The following FAM83B variants were observed in gnomAD, a reference collection of about 807,000 sequenced individuals.
The protein encoded by FAM83B is scaffolding CK1 anchoring protein B.
FAM83B carries 26 observed loss-of-function variants against 38.8 expected under a neutral mutation model. The observed-to-expected ratio is 0.67, with a 90% confidence interval of 0.49 to 0.93. The LOEUF (loss-of-function observed/expected upper bound fraction) is 0.93. Ranked by LOEUF, FAM83B falls within the 40% of genes least tolerant of loss-of-function variation. The pLI is 0.00. For synonymous variants in FAM83B, 419 were observed against 423.1 expected (o/e 0.99, Z 0.12); for missense variants, 1,237 against 1,197.3 (o/e 1.03, Z -0.49).
At chr6:54,931,230 T>A (rs1226409515) in intron 4 of FAM83B, among the ~76,000 whole-genome samples, 1 of 152,204 alleles carries the variant, frequency 6.6e-6, no homozygotes, top group Non-Finnish European at 1.5e-5. Flanking sequence ...TCTTGGAGAA[T>A]GTACCATGTG....
chr6:54,852,425 CAT>C (rs1162048142), intron 1 of FAM83B, among the ~76,000 whole-genome samples: 1 of 152,144 alleles, frequency 6.6e-6, no homozygotes, highest in Non-Finnish European at 1.5e-5. Context: ...TGCTACAAAT[CAT>C]GTGCACATAT....
At chr6:54,884,873 C>T (rs1019368625) in intron 2 of FAM83B, among the ~76,000 whole-genome samples, 8 of 151,448 alleles carry the variant, frequency 5.3e-5, no homozygotes, top group Admixed American at 2.0e-4. Context: ...CCCGGGTTCA[C>T]GCCATTCTCC....
intron 4 of FAM83B, among the ~76,000 whole-genome samples, chr6:54,929,480 A>G (rs1773376856): frequency 6.6e-6 from 1 of 152,144 alleles, no homozygotes; most frequent in Non-Finnish European, 1.5e-5. Context: ...TATCAGGAAA[A>G]CATGAGGAGT....
rs1171553393 is a variant in FAM83B at position 54,943,063 on chromosome 6, C to A, written c.*1056C>A. The stretch of plus-strand genomic sequence containing the variant: ...GATTACAGGTGCGCACCACCACACC[C>A]GGCTAATTTTTGTATTTTCAGAAGA... On this transcript the variant is annotated 3_prime_UTR_variant, in exon 5 of 5. Coordinates refer to ENST00000306858, the MANE Select transcript of FAM83B (RefSeq NM_001010872.3). 3 of 151,960 alleles carry A rather than the reference C, an allele frequency of 2.0e-5. No homozygotes were observed. The highest frequency in any genetic ancestry group is 4.4e-5 in the Non-Finnish European group (3 of 68,016). 9.4% of individuals were successfully genotyped at this position (151,960 alleles called of 1,614,324 possible).
chr6:54,892,123 C>G (rs1772417347), intron 2 of FAM83B, among the ~76,000 whole-genome samples: 1 of 152,216 alleles, frequency 6.6e-6, no homozygotes. Flanking sequence ...AGCCACTTGC[C>G]TGAATGATCA....
At chr6:54,931,420 C>T (rs1773417375) in intron 4 of FAM83B, among the ~76,000 whole-genome samples, 1 of 151,974 alleles carries the variant, frequency 6.6e-6, no homozygotes, top group Non-Finnish European at 1.5e-5. Flanking sequence ...TGTCTGTTTT[C>T]CCTTTCAATT....
chr6:54,860,993 A>T (rs1027338755), intron 1 of FAM83B, among the ~76,000 whole-genome samples: 1 of 152,140 alleles, frequency 6.6e-6, no homozygotes. Context: ...TATGGTCTTG[A>T]ACTCATGACC....
In FAM83B at chr6:54,886,289, C is replaced by T. The variant is rs144242774; in HGVS notation, c.444+15599C>T. On this transcript the variant is annotated intron_variant, in intron 2 of 4. Transcript: ENST00000306858. The stretch of plus-strand genomic sequence containing the variant: ...GTCAGTTTTTAGTATCAAGGTTATG[C>T]TGCCCACATAATGATTTTTTTTTGT... Among the ~76,000 whole-genome samples, 167 of 147,944 alleles carry T rather than the reference C, an allele frequency of 1.1e-3. 4 individuals are homozygous for T. The highest frequency in any genetic ancestry group is 3.9e-3 in the African/African-American group (161 of 41,326).
intron 2 of FAM83B, among the ~76,000 whole-genome samples, chr6:54,878,875 G>A (rs956249236): frequency 6.6e-6 from 1 of 152,220 alleles, no homozygotes; most frequent in Non-Finnish European, 1.5e-5. Context: ...AATAATTCAG[G>A]TGTGGGGTGA....
At chr6:54,906,020 C>A (rs1772769187) in intron 2 of FAM83B, among the ~76,000 whole-genome samples, 3 of 151,134 alleles carry the variant, frequency 2.0e-5, no homozygotes. Context: ...CTGACACTAT[C>A]CTTTTGCCTT....
intron 2 of FAM83B, among the ~76,000 whole-genome samples, chr6:54,874,713 C>A (rs758379334): frequency 1.7e-4 from 26 of 152,222 alleles, no homozygotes; most frequent in Non-Finnish European, 3.2e-4. Context: ...TTATTTGCAT[C>A]TCTGTTTCCT....
At chr6:54,926,854 C>A (rs1461872516) in intron 3 of FAM83B, among the ~76,000 whole-genome samples, 1 of 152,094 alleles carries the variant, frequency 6.6e-6, no homozygotes, top group Non-Finnish European at 1.5e-5. Context: ...GCCTCAGCCT[C>A]TCGAGTAGCT....
chr6:54,914,837 G>C (rs941876174), intron 2 of FAM83B, among the ~76,000 whole-genome samples: 19 of 152,068 alleles, frequency 1.2e-4, no homozygotes, highest in Admixed American at 1.0e-3. Context: ...AGTCATGAAG[G>C]GTATGTTAAC....
At chr6:54,870,773 TA>T in intron 2 of FAM83B, 83 bp downstream of exon 2, 1 of 1,276,044 alleles carries the variant, frequency 7.8e-7, no homozygotes, top group East Asian at 2.5e-5. Context: ...TGTATGTTAA[TA>T]AAAGAATCTC....
chr6:54,875,562 A>G (rs1183530874), intron 2 of FAM83B, among the ~76,000 whole-genome samples: 1 of 152,226 alleles, frequency 6.6e-6, no homozygotes, highest in Non-Finnish European at 1.5e-5. Context: ...TCTTCTGTGA[A>G]TAAAATGCAT....
intron 2 of FAM83B, among the ~76,000 whole-genome samples, chr6:54,880,505 C>T (rs1772109042): frequency 7.8e-6 from 1 of 128,692 alleles, no homozygotes; most frequent in Non-Finnish European, 1.6e-5. Flanking sequence ...AGTGCAGTGG[C>T]ATGATCTCGG....
At position 54,944,077 on chromosome 6, in the gene FAM83B, T is replaced by G. The variant is rs1421645724; in HGVS notation, c.*2070T>G. ...CGTTTTTTAAAAATTGTTTTTCTTG[T>G]ATCTTTTTTCTTCAAAAATATCTAT... is the stretch of plus-strand genomic sequence containing the variant. On this transcript the variant is annotated 3_prime_UTR_variant, in exon 5 of 5. Transcript: ENST00000306858. 1 of 152,218 alleles carries G rather than the reference T, an allele frequency of 6.6e-6. No individual in the cohort carries two copies. The highest frequency in any genetic ancestry group is 1.5e-5 in the Non-Finnish European group (1 of 68,050). 9.4% of individuals were successfully genotyped at this position (152,218 alleles called of 1,614,324 possible).
chr6:54,916,601 A>G (rs1482017220), intron 2 of FAM83B, among the ~76,000 whole-genome samples: 2 of 152,156 alleles, frequency 1.3e-5, no homozygotes, highest in African/African-American at 2.4e-5. Flanking sequence ...CTAAATCCCA[A>G]TATATTTGAA....
Position 54,927,562 on chromosome 6 carries a change from A to C in FAM83B, c.664A>C (p.Lys222Gln), listed in dbSNP as rs199906694. ...AGATTATCTTTCAAAAACAGGGGCA[A>C]AATTCCATGGAAAAATGGAACAGAA... ...GQDYLSKTGA[K>Q]FHGKMEQKFL... The change falls in exon 4 of 5, where the codon AAA becomes CAA. Residue 222 changes from lysine (K) to glutamine (Q), a missense_variant. Coordinates refer to ENST00000306858, the MANE Select transcript of FAM83B (RefSeq NM_001010872.3). 428 of 1,609,142 alleles carry C rather than the reference A, an allele frequency of 2.7e-4. No homozygotes were observed. Among genetic ancestry groups the C allele is most frequent in the Non-Finnish European group, 3.6e-4 (419 of 1,177,070 alleles).
Sources: gnomAD v4.1 joint callset for allele counts (sites outside exome capture counted in the v4.1 genomes callset) on GRCh38, gnomAD v4.1.1 for gene constraint, MANE v1.5 for transcripts, NCBI Gene and HGNC (gene_info 2026-07-23, HGNC 2026-07-21) for gene names.